CNTNAP5: variants seen among roughly 807,000 people sequenced by gnomAD.
CNTNAP5 encodes the protein contactin associated protein family member 5.
Under a neutral mutation model 150.2 loss-of-function variants are expected in CNTNAP5, and 72 were observed. The ratio of observed to expected loss-of-function variants is 0.48; its 90% CI spans 0.40 to 0.58. The LOEUF is 0.58. CNTNAP5 is among the 20% of genes least tolerant of loss of function. CNTNAP5 has a pLI of 0.00. For synonymous variants in CNTNAP5, 672 were observed against 619.8 expected, an observed-to-expected ratio of 1.08 and a Z score of -1.25; for missense variants, 1,636 against 1,626.2, an observed-to-expected ratio of 1.01 and a Z score of -0.10.
At chr2:124,583,268 CA>C (rs1383751569) in intron 11 of CNTNAP5, among the ~76,000 whole-genome samples, 1 of 152,170 alleles carries the variant, frequency 6.6e-6, no homozygotes, top group African/African-American at 2.4e-5. Context: ...CTTTGCATAG[CA>C]AGGAGCAGGA....
chr2:124,328,989 G>A (rs1171489672), intron 3 of CNTNAP5, among the ~76,000 whole-genome samples: 2 of 152,164 alleles, frequency 1.3e-5, no homozygotes, highest in African/African-American at 4.8e-5. Flanking sequence ...GATGGCTGAA[G>A]CTTAAATAGG....
intron 1 of CNTNAP5, among the ~76,000 whole-genome samples, chr2:124,186,100 T>C (rs1468683589): frequency 6.6e-6 from 1 of 152,194 alleles, no homozygotes; most frequent in Non-Finnish European, 1.5e-5. Flanking sequence ...TGCTGGGCCT[T>C]AGGGTCCTGA....
At chr2:124,721,915 C>G (rs1166605569) in intron 13 of CNTNAP5, among the ~76,000 whole-genome samples, 1 of 151,988 alleles carries the variant, frequency 6.6e-6, no homozygotes, top group East Asian at 2.0e-4. Context: ...ACACCTGTCC[C>G]CTGAGTGTGC....
chr2:124,680,368 G>A (rs1055896746), intron 13 of CNTNAP5, among the ~76,000 whole-genome samples: 5 of 151,922 alleles, frequency 3.3e-5, no homozygotes, highest in Non-Finnish European at 7.3e-5. Context: ...AGTCACCTAA[G>A]TGAGTACCAT....
rs575783492 is a variant in CNTNAP5 at position 124,333,016 on chromosome 2, G to C, written c.382-84427G>C. Reference sequence around the variant, plus strand: ...AATACAAACCCAAAGATATACACACGCATACATAAAAATATAGGCAGACCA... The same window carrying C: ...AATACAAACCCAAAGATATACACACCCATACATAAAAATATAGGCAGACCA... On this transcript the variant is annotated intron_variant, in intron 3 of 23. Transcript: ENST00000682447. Among the ~76,000 whole-genome samples the C allele has an allele frequency of 2.6e-5, 4 of 151,944 alleles. No homozygotes were observed. The East Asian group carries it at 5.8e-4, about 22-fold the overall frequency.
intron 13 of CNTNAP5, among the ~76,000 whole-genome samples, chr2:124,657,807 C>G (rs1323374272): frequency 1.3e-5 from 2 of 152,180 alleles, no homozygotes; most frequent in Non-Finnish European, 2.9e-5. Context: ...ACTGACTGCT[C>G]TCTCTACCCA....
Position 124,915,406 on chromosome 2 carries a change from C to A in CNTNAP5, c.*1118C>A, listed in dbSNP as rs1016184677. On this transcript the variant is annotated 3_prime_UTR_variant, in exon 24 of 24. Coordinates refer to ENST00000682447, the MANE Select transcript of CNTNAP5 (RefSeq NM_001367498.1). Reference sequence around the variant, plus strand: ...AAGAAGAAAAATACCAAACAGAATTCTTCCCTTCCATTCACTCACTAAAGA... The same window carrying A: ...AAGAAGAAAAATACCAAACAGAATTATTCCCTTCCATTCACTCACTAAAGA... The A allele has an allele frequency of 3.0e-5, 5 of 166,478 alleles. No homozygotes were observed. The highest frequency in any genetic ancestry group is 1.9e-4 in the East Asian group (1 of 5,140). 10.3% of individuals were successfully genotyped at this position (166,478 alleles called of 1,614,324 possible). A position where few individuals can be genotyped will look rare whatever the true frequency, so the allele number is the denominator to read the frequency against.
In CNTNAP5 at chr2:124,030,519, C is replaced by A. The variant is rs543750364; in HGVS notation, c.82+4787C>A. Among the ~76,000 whole-genome samples the A allele has an allele frequency of 2.6e-5, 4 of 152,208 alleles. No homozygotes were observed. The South Asian group carries it at 6.2e-4, about 24-fold the overall frequency. On this transcript the variant is annotated intron_variant, in intron 1 of 23. Transcript: ENST00000682447. ...GATATGAAACTTACTCCAAAACATT[C>A]ACTTTGACACTGTGTATATACATAT...
At chr2:124,179,314 C>T (rs955704762) in intron 1 of CNTNAP5, among the ~76,000 whole-genome samples, 6 of 152,072 alleles carry the variant, frequency 3.9e-5, no homozygotes, top group African/African-American at 1.2e-4. Flanking sequence ...CATGTGCCAC[C>T]ATGCCCGGCT....
chr2:124,904,405 G>T (rs1246506087), intron 22 of CNTNAP5, among the ~76,000 whole-genome samples: 1 of 151,746 alleles, frequency 6.6e-6, no homozygotes, highest in Non-Finnish European at 1.5e-5. Flanking sequence ...ATATCTTGGC[G>T]ATTGTGAATA....
Position 124,747,273 on chromosome 2 carries a change from C to T in CNTNAP5, c.2122C>T (p.His708Tyr), listed in dbSNP as rs747345389. ...GTGGATTGGGCGGTCCAATGAAAGG[C>T]ACCCTTACTGGGGAGGTTCCCCTCC... Reference protein sequence around the residue: ...TWWIGRSNERHPYWGGSPPGV... With the variant: ...TWWIGRSNERYPYWGGSPPGV... The change falls in exon 14 of 24, where the codon CAC becomes TAC. Residue 708 changes from histidine (H) to tyrosine (Y), a missense_variant. Coordinates refer to ENST00000682447, the MANE Select transcript of CNTNAP5 (RefSeq NM_001367498.1). The T allele has an allele frequency of 1.2e-6, 2 of 1,613,696 alleles. No individual in the cohort carries two copies. The highest frequency in any genetic ancestry group is 2.2e-5 in the South Asian group (2 of 91,070).
At chr2:124,393,002 T>C (rs577277921) in intron 3 of CNTNAP5, among the ~76,000 whole-genome samples, 10 of 152,334 alleles carry the variant, frequency 6.6e-5, no homozygotes, top group African/African-American at 2.4e-4. Context: ...AAACAATTTT[T>C]AACTCTTATT....
At chr2:124,501,274 C>A (rs1205836636) in intron 7 of CNTNAP5, among the ~76,000 whole-genome samples, 2 of 152,144 alleles carry the variant, frequency 1.3e-5, no homozygotes, top group African/African-American at 2.4e-5. Context: ...TTTATGTGTA[C>A]AATTAACTAA....
chr2:124,920,946 C>T lies in CNTNAP5; in HGVS notation c.*6658C>T, dbSNP rs974215646. On this transcript the variant is annotated 3_prime_UTR_variant, in exon 24 of 24. Transcript: ENST00000682447. The stretch of plus-strand genomic sequence containing the variant: ...TCTTTATTATGGTAAAAGCACAAAA[C>T]AGGTCATCTTTTTGTGGAAATGCTG... Among the ~76,000 whole-genome samples, 2 of 152,054 alleles carry T rather than the reference C, an allele frequency of 1.3e-5. No homozygotes were observed. The highest frequency in any genetic ancestry group is 2.4e-5 in the African/African-American group (1 of 41,428).
chr2:124,637,131 G>A (rs13423190), intron 12 of CNTNAP5, among the ~76,000 whole-genome samples: 1 of 151,940 alleles, frequency 6.6e-6, no homozygotes, highest in Admixed American at 6.6e-5. Context: ...AGAATCCAAA[G>A]TCCTACAATG....
intron 13 of CNTNAP5, among the ~76,000 whole-genome samples, chr2:124,725,120 A>G (rs1486130663): frequency 6.6e-6 from 1 of 151,936 alleles, no homozygotes; most frequent in Non-Finnish European, 1.5e-5. Flanking sequence ...TTAAAAAATC[A>G]TTTACTTCTC....
intron 8 of CNTNAP5, among the ~76,000 whole-genome samples, chr2:124,508,609 C>G (rs2104867986): frequency 6.6e-6 from 1 of 152,314 alleles, no homozygotes; most frequent in Middle Eastern, 3.4e-3. Context: ...TGCCACCTTA[C>G]CCAGCTGCAG....
chr2:124,804,090 A>G (rs896224403), intron 19 of CNTNAP5, among the ~76,000 whole-genome samples: 74 of 152,316 alleles, frequency 4.9e-4, no homozygotes, highest in African/African-American at 1.8e-3. Context: ...GTCTTTTGCT[A>G]TCTCCCAGAC....
rs538256138 is a variant in CNTNAP5, at chr2:124,183,382, AT to A, written c.83-38318del. ...CCTTTAATGGTTTTCCATCTTAACT[AT>A]TTTTGATAAATAGTAAAAATGTCTA... On this transcript the variant is annotated intron_variant, in intron 1 of 23. Coordinates refer to ENST00000682447, the MANE Select transcript of CNTNAP5 (RefSeq NM_001367498.1). Among the ~76,000 whole-genome samples the A allele has an allele frequency of 2.3e-3, 357 of 152,334 alleles. 1 individual carries two copies. The highest frequency in any genetic ancestry group is 0.017 in the Middle Eastern group (5 of 294).
Sources: gnomAD v4.1 joint callset for allele counts (sites outside exome capture counted in the v4.1 genomes callset) on GRCh38, gnomAD v4.1.1 for gene constraint, MANE v1.5 for transcripts, NCBI Gene and HGNC (gene_info 2026-07-23, HGNC 2026-07-21) for gene names.